Variants in GTSE1 observed in about 807,000 individuals in gnomAD.
GTSE1 encodes G2 and S phase-expressed protein 1.
Under a neutral mutation model 60.5 loss-of-function variants are expected in GTSE1, and 52 were observed. The ratio of observed to expected loss-of-function variants is 0.86; its 90% CI spans 0.69 to 1.08. The LOEUF is 1.08. GTSE1 is among the 50% of genes least tolerant of loss of function. The probability of loss-of-function intolerance (pLI) is 0.00; values close to 1 mark genes in which losing one functional copy is unlikely to be tolerated. For missense variants in GTSE1, 937 were observed against 961.8 expected (o/e 0.97, Z 0.34); for synonymous variants, 368 against 386.5 (o/e 0.95, Z 0.56).
rs773463372 is a variant in GTSE1, at chr22:46,297,484, G to T, written c.79+5G>T. 1 of 1,597,542 alleles carries T rather than the reference G, an allele frequency of 6.3e-7. No homozygotes were observed. The highest frequency in any genetic ancestry group is 8.6e-7 in the Non-Finnish European group (1 of 1,165,282). On this transcript the variant is annotated splice_donor_5th_base_variant and intron_variant, in intron 2 of 11. Transcript: ENST00000454366. The surrounding 1 kb of genome is among the most constrained non-coding windows in gnomAD (Gnocchi z 4.9). ...TGGATGACCCTAAGAAGGAAGGCAA[G>T]TCCTTGCTGCTGCGGCGCTGTTGTT...
rs2077787315 is a variant in GTSE1, at chr22:46,317,321, C to A, written c.1432+909C>A. ...TAGTTTCTGTTGTCAGATATCATTT[C>A]TTCTGCAGTGCCTAACAGCTGTGAA... On this transcript the variant is annotated intron_variant, in intron 7 of 11. Coordinates refer to ENST00000454366, the MANE Select transcript of GTSE1 (RefSeq NM_016426.7). The surrounding 1 kb of genome is among the most constrained non-coding windows in gnomAD (Gnocchi z 5.6). 6.6e-6 allele frequency among the ~76,000 whole-genome samples: 1 copy of A among 152,174 alleles called. No individual in the cohort carries two copies. The highest frequency in any genetic ancestry group is 1.5e-5 in the Non-Finnish European group (1 of 68,040).
chr22:46,317,049 C>T lies in GTSE1; in HGVS notation c.1432+637C>T, dbSNP rs2077785573. Among the ~76,000 whole-genome samples the T allele has an allele frequency of 6.6e-6, 1 of 152,154 alleles. No individual in the cohort carries two copies. The highest frequency in any genetic ancestry group is 2.1e-4 in the South Asian group (1 of 4,830). ...CGATCTCAGCGCACTGTAACCTCCA[C>T]CTACCGAGTTCAAGCAATTCTCCTG... On this transcript the variant is annotated intron_variant, in intron 7 of 11. Transcript: ENST00000454366. This position sits in a 1 kb window ranked among gnomAD's most constrained non-coding sequence, Gnocchi z 5.6.
At position 46,314,796 on chromosome 22, in the gene GTSE1, A is replaced by T. The variant is rs12171124; in HGVS notation, c.1051+783A>T. ...GAGACTGGGCCACGAGAATGGCTTG[A>T]ACGCGGGAGGCAGAGGTTACCATGA... On this transcript the variant is annotated intron_variant, in intron 6 of 11. Coordinates refer to ENST00000454366, the MANE Select transcript of GTSE1 (RefSeq NM_016426.7). This position sits in a 1 kb window ranked among gnomAD's most constrained non-coding sequence, Gnocchi z 7.1. 2.0e-5 allele frequency among the ~76,000 whole-genome samples: 3 copies of T among 150,686 alleles called. No individual in the cohort carries two copies. The highest frequency in any genetic ancestry group is 2.0e-4 in the Admixed American group (3 of 15,174).
At position 46,317,480 on chromosome 22, in the gene GTSE1, TC is replaced by T. The variant is rs971013918; in HGVS notation, c.1432+1072del. Among the ~76,000 whole-genome samples, 2 of 152,236 alleles carry T rather than the reference TC, an allele frequency of 1.3e-5. No homozygotes were observed. Among genetic ancestry groups the T allele is most frequent in the African/African-American group, 4.8e-5 (2 of 41,464 alleles). On this transcript the variant is annotated intron_variant, in intron 7 of 11. Transcript: ENST00000454366. This position sits in a 1 kb window ranked among gnomAD's most constrained non-coding sequence, Gnocchi z 5.6. ...GTCTACGATTCTTCTCATACCATCTTCCCCATCATTTTGGGGTCTGTTTCGA... is the reference window on the plus strand; with the variant it reads ...GTCTACGATTCTTCTCATACCATCTTCCCATCATTTTGGGGTCTGTTTCGA...
chr22:46,298,660 A>T (rs867479734), intron 2 of GTSE1, among the ~76,000 whole-genome samples: 40 of 152,124 alleles, frequency 2.6e-4, no homozygotes, highest in African/African-American at 9.4e-4. Context: ...AGACTTTACA[A>T]ATCAATGTTG....
chr22:46,307,277 A>G (rs1260408351), intron 2 of GTSE1, among the ~76,000 whole-genome samples: 2 of 152,218 alleles, frequency 1.3e-5, no homozygotes, highest in Non-Finnish European at 2.9e-5. Flanking sequence ...TTTGAGTAAT[A>G]TTAAATTCAT....
chr22:46,315,473 C>T (rs995998651), intron 6 of GTSE1, among the ~76,000 whole-genome samples: 5 of 149,364 alleles, frequency 3.3e-5, no homozygotes, highest in East Asian at 3.8e-4. Context: ...GGATTACAGG[C>T]GTGAGCCACC....
chr22:46,329,494 C>T lies in GTSE1; in HGVS notation c.2063C>T (p.Pro688Leu). ...AHVAVGSESR[P>L]LIDLMTNTPD... ...GTGGCTGTAGGATCTGAAAGCAGGC[C>T]TCTGATCGACCTCATGACAAACACT... Residue 688 changes from proline to leucine, a missense_variant, in exon 11 of 12, where the codon CCT becomes CTT. Physicochemically the swap from Pro to Leu is moderately conservative, Grantham distance 98. Transcript: ENST00000454366. This position sits in a 1 kb window ranked among gnomAD's most constrained non-coding sequence, Gnocchi z 6.4. 1.9e-6 allele frequency: 3 copies of T among 1,614,190 alleles called. No individual in the cohort carries two copies. Among genetic ancestry groups the T allele is most frequent in the East Asian group, 4.5e-5 (2 of 44,876 alleles).
rs1273452825 is a variant in GTSE1, at chr22:46,321,536, A to G, written c.1433-1654A>G. Among the ~76,000 whole-genome samples the G allele has an allele frequency of 1.3e-5, 2 of 152,192 alleles. No homozygotes were observed. The highest frequency in any genetic ancestry group is 4.8e-5 in the African/African-American group (2 of 41,474). On this transcript the variant is annotated intron_variant, in intron 7 of 11. Coordinates refer to ENST00000454366, the MANE Select transcript of GTSE1 (RefSeq NM_016426.7). The surrounding 1 kb of genome is among the most constrained non-coding windows in gnomAD (Gnocchi z 4.0). ...GAACATGGAGGCCTGGTGAACGCAC[A>G]GGTGGGGGCGGTGGGGAGGTGTGAG...
intron 7 of GTSE1, among the ~76,000 whole-genome samples, chr22:46,322,882 C>T (rs139054500): frequency 1.3e-5 from 2 of 152,300 alleles, no homozygotes; most frequent in East Asian, 3.9e-4. Context: ...AGGTCGTGCT[C>T]GGCCCTGATG....
chr22:46,297,332 C>A lies in GTSE1; in HGVS notation c.-21-48C>A. ...GCCGAGGGCTGAAGGAAGCCGGAGCCCTGGGCCCTGACACGTACTCACTTT... is the reference window on the plus strand; with the variant it reads ...GCCGAGGGCTGAAGGAAGCCGGAGCACTGGGCCCTGACACGTACTCACTTT... On this transcript the variant is annotated intron_variant, in intron 1 of 11. Coordinates refer to ENST00000454366, the MANE Select transcript of GTSE1 (RefSeq NM_016426.7). This position sits in a 1 kb window ranked among gnomAD's most constrained non-coding sequence, Gnocchi z 4.9. The A allele has an allele frequency of 9.3e-7, 1 of 1,077,352 alleles. No homozygotes were observed. The highest frequency in any genetic ancestry group is 1.4e-6 in the Non-Finnish European group (1 of 693,372). 66.7% of individuals were successfully genotyped at this position (1,077,352 alleles called of 1,614,324 possible). A position where few individuals can be genotyped will look rare whatever the true frequency, so the allele number is the denominator to read the frequency against.
rs2077664530 is a variant in GTSE1 at position 46,297,564 on chromosome 22, T to G, written c.79+85T>G. ...GATTTAATGTTTCCCTGAGAAATTC[T>G]TTCTCAAGTGCTCGACTTGTACTCT... On this transcript the variant is annotated intron_variant, in intron 2 of 11. Transcript: ENST00000454366. The surrounding 1 kb of genome is among the most constrained non-coding windows in gnomAD (Gnocchi z 4.9). 1 of 952,288 alleles carries G rather than the reference T, an allele frequency of 1.1e-6. No homozygotes were observed. The highest frequency in any genetic ancestry group is 2.5e-5 in the East Asian group (1 of 39,992). The allele number at this position is 952,288 out of a possible 1,614,324, so 59.0% of individuals were successfully genotyped here. A position where few individuals can be genotyped will look rare whatever the true frequency, so the allele number is the denominator to read the frequency against.
At chr22:46,327,670 C>CA (rs1306067491) in intron 9 of GTSE1, among the ~76,000 whole-genome samples, 5 of 151,742 alleles carry the variant, frequency 3.3e-5, no homozygotes, top group Non-Finnish European at 7.4e-5. Flanking sequence ...GACCCTGTCT[C>CA]AAAAAAACGA....
In GTSE1 at chr22:46,321,546, G is replaced by A. The variant is rs560126135; in HGVS notation, c.1433-1644G>A. ...GCCTGGTGAACGCACAGGTGGGGGC[G>A]GTGGGGAGGTGTGAGGGGCAGATTC... is the stretch of plus-strand genomic sequence containing the variant. On this transcript the variant is annotated intron_variant, in intron 7 of 11. Coordinates refer to ENST00000454366, the MANE Select transcript of GTSE1 (RefSeq NM_016426.7). The surrounding 1 kb of genome is among the most constrained non-coding windows in gnomAD (Gnocchi z 4.0). 6.6e-5 allele frequency among the ~76,000 whole-genome samples: 10 copies of A among 152,314 alleles called. No individual in the cohort carries two copies. Among genetic ancestry groups the A allele is most frequent in the East Asian group, 1.9e-4 (1 of 5,178 alleles).
Position 46,297,412 on chromosome 22 carries a change from C to T in GTSE1, c.12C>T (p.Gly4=). Residue 4 remains glycine (G), a synonymous_variant, in exon 2 of 12, where the codon GGC becomes GGT. Transcript: ENST00000454366. This position sits in a 1 kb window ranked among gnomAD's most constrained non-coding sequence, Gnocchi z 4.9. The part of the protein sequence containing the change: MEG[G]GGRDEPSACR... ...TGACAGCTCTCTCCATGGAAGGAGGCGGCGGCCGCGATGAGCCTTCAGCCT... is the reference window on the plus strand; with the variant it reads ...TGACAGCTCTCTCCATGGAAGGAGGTGGCGGCCGCGATGAGCCTTCAGCCT... 1 of 1,612,456 alleles carries T rather than the reference C, an allele frequency of 6.2e-7. No homozygotes were observed. Among genetic ancestry groups the T allele is most frequent in the African/African-American group, 1.3e-5 (1 of 74,986 alleles).
chr22:46,326,829 G>A (rs944671845), intron 9 of GTSE1, 175 bp downstream of exon 9: 1 of 538,560 alleles, frequency 1.9e-6, no homozygotes, highest in Non-Finnish European at 3.2e-6. Context: ...TGAGCATAGA[G>A]GAAAATTAAA....
chr22:46,326,492 T>C lies in GTSE1; in HGVS notation c.1562T>C (p.Leu521Pro). The change falls in exon 9 of 12, where the codon CTG becomes CCG. Residue 521 changes from leucine (L) to proline (P), a missense_variant. Transcript: ENST00000454366. The part of the protein sequence containing the change: ...RRSSGPAPQS[L>P]LSAWRVSALP... ...TCATCTGGGCCAGCACCACAAAGCC[T>C]GCTGAGCGCATGGCGTGTGTCAGCC... The C allele has an allele frequency of 1.2e-6, 2 of 1,614,024 alleles. No individual in the cohort carries two copies. Among genetic ancestry groups the C allele is most frequent in the Non-Finnish European group, 1.7e-6 (2 of 1,179,878 alleles).
Position 46,330,267 on chromosome 22 carries a change from G to A in GTSE1, c.*137G>A. 1 of 630,922 alleles carries A rather than the reference G, an allele frequency of 1.6e-6. No homozygotes were observed. Among genetic ancestry groups the A allele is most frequent in the South Asian group, 1.8e-5 (1 of 55,260 alleles). 39.1% of individuals were successfully genotyped at this position (630,922 alleles called of 1,614,324 possible). ...AGGCTGAGGTGGGCGGATTACTTGA[G>A]CCCAGGAGTTCGGGACCAGCCTGGG... On this transcript the variant is annotated 3_prime_UTR_variant, in exon 12 of 12. Transcript: ENST00000454366. The surrounding 1 kb of genome is among the most constrained non-coding windows in gnomAD (Gnocchi z 6.0).
At chr22:46,315,937 A>T in intron 6 of GTSE1, 95 bp from the exon 7 acceptor site, 1 of 952,594 alleles carries the variant, frequency 1.0e-6, no homozygotes, top group Non-Finnish European at 1.6e-6. Flanking sequence ...TCTTATGTTT[A>T]AGGTAGATAT....
Sources: allele counts gnomAD v4.1 joint callset (sites outside exome capture counted in the v4.1 genomes callset), GRCh38; gene constraint gnomAD v4.1.1; non-coding constraint Gnocchi (gnomAD v3.1); transcripts MANE v1.5; gene names NCBI Gene and HGNC (gene_info 2026-07-23, HGNC 2026-07-21).